MED16: variants seen among roughly 807,000 people sequenced by gnomAD.
MED16 encodes mediator complex subunit 16.
Under a neutral mutation model 84.4 loss-of-function variants are expected in MED16, and 81 were observed. The ratio of observed to expected loss-of-function variants is 0.96; its 90% confidence interval spans 0.80 to 1.15. The LOEUF (loss-of-function observed/expected upper bound fraction) is 1.15. Among genes scored for constraint, MED16 ranks in the 50% most tolerant of loss-of-function variants. The pLI is 0.00. For missense variants in MED16, 1,585 were observed against 1,245.9 expected, an observed-to-expected ratio of 1.27 and a Z score of -4.10; for synonymous variants, 897 against 552.2, an observed-to-expected ratio of 1.62 and a Z score of -8.76.
At chr19:878,299 A>ACCAGCCCCAGCC (rs1568326186) in intron 8 of MED16, among the ~76,000 whole-genome samples, 1 of 42,126 alleles carries the variant, frequency 2.4e-5, no homozygotes, top group Non-Finnish European at 4.5e-5. Flanking sequence ...GTCAATGCCC[A>ACCAGCCCCAGCC]CCAGCCCCAG....
chr19:870,245 C>T (rs1411590072), intron 13 of MED16, among the ~76,000 whole-genome samples: 2 of 152,126 alleles, frequency 1.3e-5, no homozygotes, highest in Admixed American at 6.6e-5. Context: ...CCCTGTACAG[C>T]GAGGCCAACA....
At chr19:872,861 G>C (rs1383602437) in intron 11 of MED16, 1 of 718,410 alleles carries the variant, frequency 1.4e-6, no homozygotes, top group Non-Finnish European at 1.7e-6. Flanking sequence ...GGCCTGGGAG[G>C]CGGGGCTTTG....
intron 15 of MED16, 76 bp downstream of exon 15, chr19:868,340 G>T: frequency 6.3e-6 from 10 of 1,591,258 alleles, no homozygotes; most frequent in Non-Finnish European, 8.5e-6. Flanking sequence ...GCAGCTGAGG[G>T]GTAGCTGAGG....
chr19:885,043 A>G, intron 5 of MED16, 35 bp from the exon 6 acceptor site: 1 of 1,520,518 alleles, frequency 6.6e-7, no homozygotes, highest in South Asian at 1.2e-5. Context: ...CTGACCCGGC[A>G]CTGCTGTGGT....
Position 869,711 on chromosome 19 carries a change from G to A in MED16, c.2316-765C>T, listed in dbSNP as rs563008501. On this transcript the variant is annotated intron_variant, in intron 13 of 15. Transcript: ENST00000325464. ...TGGAGCCGAGCCGGGGCCTTCCCCGGAGCAGGGCTGCTGGAGGTTCACTTC... is the reference window on the plus strand; with the variant it reads ...TGGAGCCGAGCCGGGGCCTTCCCCGAAGCAGGGCTGCTGGAGGTTCACTTC... Among the ~76,000 whole-genome samples, 98 of 152,294 alleles carry A rather than the reference G, an allele frequency of 6.4e-4. 1 individual carries two copies. The South Asian group carries it at 8.3e-3, about 13-fold the overall frequency.
chr19:869,340 C>T (rs554509525), intron 13 of MED16, among the ~76,000 whole-genome samples: 1 of 150,846 alleles, frequency 6.6e-6, no homozygotes, highest in South Asian at 2.1e-4. Flanking sequence ...CACACCACCT[C>T]TGCCCAGACA....
chr19:890,925 T>C (rs572890018), intron 2 of MED16, 38 bp downstream of exon 2: 14 of 1,600,614 alleles, frequency 8.7e-6, no homozygotes, highest in East Asian at 4.5e-5. Context: ...CGGGACACCA[T>C]GCGGCCGGGA....
intron 9 of MED16, 139 bp downstream of exon 9, chr19:876,835 G>T: frequency 2.5e-6 from 2 of 791,454 alleles, no homozygotes; most frequent in African/African-American, 1.8e-5. Context: ...GCCCCTGCCT[G>T]CCACAGGGAC....
intron 5 of MED16, 54 bp from the exon 6 acceptor site, chr19:885,062 C>A: frequency 7.1e-7 from 1 of 1,405,078 alleles, no homozygotes; most frequent in Non-Finnish European, 9.8e-7. Context: ...GTGGCCACGC[C>A]ACCACCGGAG....
Position 871,325 on chromosome 19 carries a change from G to T in MED16, c.2099-72C>A, listed in dbSNP as rs938317472. The T allele has an allele frequency of 4.8e-6, 7 of 1,445,118 alleles. No homozygotes were observed. In the African/African-American group the frequency reaches 9.8e-5, roughly 20 times the overall value. The allele number at this position is 1,445,118 out of a possible 1,614,324, so 89.5% of individuals were successfully genotyped here. On this transcript the variant is annotated intron_variant, in intron 12 of 15. Transcript: ENST00000325464. The stretch of plus-strand genomic sequence containing the variant: ...CGCCCGGCCACCCGGGACGTGCTGG[G>T]AGCCCCTCCAGTTCAGGAGCACCAG...
At chr19:882,112 G>A (rs2036432721) in intron 6 of MED16, among the ~76,000 whole-genome samples, 1 of 152,260 alleles carries the variant, frequency 6.6e-6, no homozygotes, top group South Asian at 2.1e-4. Flanking sequence ...AAGCCATGCG[G>A]GATGGTCGCA....
At chr19:869,212 C>A (rs970009503) in intron 13 of MED16, among the ~76,000 whole-genome samples, 1 of 152,124 alleles carries the variant, frequency 6.6e-6, no homozygotes, top group Non-Finnish European at 1.5e-5. Flanking sequence ...GTAAAGGGGA[C>A]GGGGCCCACA....
At chr19:890,685 C>T (rs941846978) in intron 2 of MED16, among the ~76,000 whole-genome samples, 5 of 152,204 alleles carry the variant, frequency 3.3e-5, no homozygotes, top group Admixed American at 6.5e-5. Flanking sequence ...AACTGGGGCA[C>T]GTGTCTCCAA....
chr19:868,889 G>C lies in MED16; in HGVS notation c.2373C>G (p.Pro791=). 1 of 1,551,912 alleles carries C rather than the reference G, an allele frequency of 6.4e-7. No individual in the cohort carries two copies. ...TGGTGCAGGCCTTGCATTCCTCCGT[G>C]GGGCAAGCGCCAAGGTGCAGCCTCC... ...HLRRLHLGAC[P]TEECKACTRC... The change falls in exon 14 of 16, where the codon CCC becomes CCG. Residue 791 remains proline, a synonymous_variant. Transcript: ENST00000325464.
intron 8 of MED16, among the ~76,000 whole-genome samples, chr19:879,517 C>T (rs1337749818): frequency 7.2e-6 from 1 of 138,178 alleles, no homozygotes; most frequent in Non-Finnish European, 1.5e-5. Flanking sequence ...GCTCGCCTTT[C>T]CCTGGTTGTC....
Position 870,221 on chromosome 19 carries a change from G to A in MED16, c.2315+816C>T, listed in dbSNP as rs552899159. ...GGGGGGCCAGAGACTAAGGGCAGAG[G>A]CTAAGGCAGGGCGCCCTGTACAGCG... On this transcript the variant is annotated intron_variant, in intron 13 of 15. Transcript: ENST00000325464. 4.6e-5 allele frequency among the ~76,000 whole-genome samples: 7 copies of A among 152,272 alleles called. No homozygotes were observed. In the East Asian group the frequency reaches 1.2e-3, roughly 25 times the overall value.
Position 881,781 on chromosome 19 carries a change from G to C in MED16, c.986-67C>G, listed in dbSNP as rs1044221403. ...AAGACAGGCTGAGACAGCCGCAGGA[G>C]TCCAGCATGGCCTGGTGTGCAACCT... On this transcript the variant is annotated intron_variant, in intron 6 of 15. Transcript: ENST00000325464. 2.6e-6 allele frequency: 4 copies of C among 1,552,686 alleles called. No individual in the cohort carries two copies. In the African/African-American group the frequency reaches 5.4e-5, roughly 21 times the overall value.
chr19:877,621 G>T (rs892461283), intron 8 of MED16, among the ~76,000 whole-genome samples: 6 of 94,056 alleles, frequency 6.4e-5, no homozygotes, highest in African/African-American at 2.8e-4. Context: ...TCCCCCGGGG[G>T]CGCCTCCCTC....
chr19:878,945 C>T (rs1300212782), intron 8 of MED16, among the ~76,000 whole-genome samples: 25 of 146,744 alleles, frequency 1.7e-4, no homozygotes, highest in Non-Finnish European at 2.4e-4. Flanking sequence ...GCCCCGGCCC[C>T]GGCCGCAGCT....
Sources: gnomAD v4.1 joint callset for allele counts (sites outside exome capture counted in the v4.1 genomes callset) on GRCh38, gnomAD v4.1.1 for gene constraint, MANE v1.5 for transcripts, NCBI Gene and HGNC (gene_info 2026-07-23, HGNC 2026-07-21) for gene names.